Variants in DIP2C observed in about 807,000 individuals in gnomAD.
DIP2C encodes DIP2 acetate--CoA ligase C (putative), also known as disco-interacting protein 2 homolog C.
Under a neutral mutation model 192.4 loss-of-function variants are expected in DIP2C, and 33 were observed. That is an observed-to-expected ratio of 0.17 (90% CI 0.13 to 0.23). The LOEUF (loss-of-function observed/expected upper bound fraction) is 0.23, where lower values mean the gene tolerates loss of function less well. Among genes scored for constraint, DIP2C ranks in the 10% least tolerant of loss-of-function variants. The probability of loss-of-function intolerance (pLI) is 1.00; values close to 1 mark genes in which losing one functional copy is unlikely to be tolerated. For missense variants in DIP2C, 1,537 were observed against 2,110.1 expected (o/e 0.73, Z 5.32); for synonymous variants, 979 against 864.1 (o/e 1.13, Z -2.33).
At chr10:577,827 T>TG (rs1850268146) in intron 1 of DIP2C, among the ~76,000 whole-genome samples, 1 of 151,692 alleles carries the variant, frequency 6.6e-6, no homozygotes, top group Non-Finnish European at 1.5e-5. Flanking sequence ...TTTTGTGTTT[T>TG]TTTTTTTTTA....
chr10:487,480 C>A (rs1844095817), intron 1 of DIP2C, among the ~76,000 whole-genome samples: 1 of 151,518 alleles, frequency 6.6e-6, no homozygotes, highest in South Asian at 2.1e-4. Flanking sequence ...TACAGGTTCT[C>A]GTCTCCCCCA....
chr10:475,424 T>C (rs1356639028), intron 2 of DIP2C, among the ~76,000 whole-genome samples: 4 of 152,182 alleles, frequency 2.6e-5, no homozygotes, highest in African/African-American at 9.6e-5. Context: ...ATGTTTCACC[T>C]TCAATCTCAG....
chr10:469,467 C>T (rs1970464539), intron 3 of DIP2C, among the ~76,000 whole-genome samples: 1 of 152,066 alleles, frequency 6.6e-6, no homozygotes, highest in African/African-American at 2.4e-5. Context: ...CAGGCATGCA[C>T]CACCATGCCT....
At chr10:535,981 A>G (rs1305317947) in intron 1 of DIP2C, among the ~76,000 whole-genome samples, 2 of 152,194 alleles carry the variant, frequency 1.3e-5, no homozygotes, top group African/African-American at 4.8e-5. Context: ...TCGGGTGCAA[A>G]GAGTATTTTC....
chr10:424,426 C>T lies in DIP2C; in HGVS notation c.395-1393G>A, dbSNP rs150669840. Among the ~76,000 whole-genome samples the T allele has an allele frequency of 6.3e-3, 858 of 135,712 alleles. 3 individuals carry two copies. The highest frequency in any genetic ancestry group is 0.015 in the Middle Eastern group (3 of 198). The allele number at this position is 135,712 out of a possible 152,430, so 89.0% of individuals were successfully genotyped here. A position where few individuals can be genotyped will look rare whatever the true frequency, so the allele number is the denominator to read the frequency against. The stretch of plus-strand genomic sequence containing the variant: ...TGTTGCCCAGGCTGGAGAGCAGTGG[C>T]GCGATCTCAGCTCACAATAACCTCT... On this transcript the variant is annotated intron_variant, in intron 4 of 36. Transcript: ENST00000280886.
chr10:407,350 G>A (rs535105490), intron 9 of DIP2C, among the ~76,000 whole-genome samples: 1 of 152,156 alleles, frequency 6.6e-6, no homozygotes, highest in African/African-American at 2.4e-5. Flanking sequence ...TGGATTTGGG[G>A]TTGCTTCCAC....
At chr10:605,397 A>G (rs1156772265) in intron 1 of DIP2C, among the ~76,000 whole-genome samples, 1 of 152,196 alleles carries the variant, frequency 6.6e-6, no homozygotes, top group Non-Finnish European at 1.5e-5. Context: ...TTTATCACTC[A>G]TGATTCCCTT....
intron 1 of DIP2C, among the ~76,000 whole-genome samples, chr10:524,508 A>G (rs534036391): frequency 2.6e-5 from 4 of 152,302 alleles, no homozygotes; most frequent in African/African-American, 9.6e-5. Context: ...ATATATGTGT[A>G]TATGTGCAAA....
At chr10:501,860 C>G (rs1411228715) in intron 1 of DIP2C, among the ~76,000 whole-genome samples, 1 of 152,180 alleles carries the variant, frequency 6.6e-6, no homozygotes, top group African/African-American at 2.4e-5. Flanking sequence ...CACTTCAATT[C>G]CTGGCCAGGT....
chr10:656,273 C>T (rs1856328267), intron 1 of DIP2C, among the ~76,000 whole-genome samples: 1 of 152,224 alleles, frequency 6.6e-6, no homozygotes, highest in Non-Finnish European at 1.5e-5. Flanking sequence ...ACCATTTCTC[C>T]TATTGTATAC....
intron 7 of DIP2C, among the ~76,000 whole-genome samples, chr10:415,382 T>A (rs1965559449): frequency 6.6e-6 from 1 of 152,138 alleles, no homozygotes; most frequent in African/African-American, 2.4e-5. Context: ...CCGGCACCTA[T>A]AAGGAGAGGC....
chr10:311,665 G>GA, intron 31 of DIP2C: 3 of 981,444 alleles, frequency 3.1e-6, no homozygotes, highest in Non-Finnish European at 3.9e-6. Flanking sequence ...ACCCGACAGT[G>GA]AAAAATGGGA....
rs1857133167 is a variant in DIP2C at position 666,893 on chromosome 10, G to C, written c.85+22601C>G. 6.6e-6 allele frequency: 1 copy of C among 152,356 alleles called. No homozygotes were observed. The highest frequency in any genetic ancestry group is 1.5e-5 in the Non-Finnish European group (1 of 68,138). The allele number at this position is 152,356 out of a possible 1,614,324, so 9.4% of individuals were successfully genotyped here. ...AGCAGTGCGCCTCCCAAAATCAGAA[G>C]CAGCTAAGCTGACCCCCACCTCATG... On this transcript the variant is annotated intron_variant, in intron 1 of 36. Coordinates refer to ENST00000280886, the MANE Select transcript of DIP2C (RefSeq NM_014974.3). The surrounding 1 kb of genome is among the most constrained non-coding windows in gnomAD (Gnocchi z 4.1).
chr10:519,704 G>A (rs561332986), intron 1 of DIP2C, among the ~76,000 whole-genome samples: 27 of 152,372 alleles, frequency 1.8e-4, no homozygotes, highest in Middle Eastern at 3.4e-3. Context: ...TCTCAAGGGC[G>A]CACCTGAGCT....
In DIP2C at chr10:389,969, G is replaced by A. The variant is rs1336927734; in HGVS notation, c.1597+22C>T. The A allele has an allele frequency of 5.6e-6, 9 of 1,597,358 alleles. No homozygotes were observed. The Admixed American group carries it at 1.4e-4, about 24-fold the overall frequency. ...TCCCGGTTAGAACCAGGGTCCCAAG[G>A]AGTCAGGGTCTGGCACCCCACCTTC... is the stretch of plus-strand genomic sequence containing the variant. On this transcript the variant is annotated intron_variant, in intron 13 of 36. Transcript: ENST00000280886.
chr10:369,826 A>G, intron 17 of DIP2C, 193 bp from the exon 18 acceptor site: 1 of 1,301,654 alleles, frequency 7.7e-7, no homozygotes, highest in Non-Finnish European at 1.0e-6. Flanking sequence ...CAGCGAGTCT[A>G]CTGCTTCCGC....
chr10:577,620 G>A (rs938987701), intron 1 of DIP2C, among the ~76,000 whole-genome samples: 2 of 152,116 alleles, frequency 1.3e-5, no homozygotes, highest in Admixed American at 6.5e-5. Context: ...CCATCAGCCT[G>A]CTGCTTATTT....
intron 1 of DIP2C, among the ~76,000 whole-genome samples, chr10:562,806 ACT>A (rs1398104805): frequency 6.6e-6 from 1 of 152,216 alleles, no homozygotes; most frequent in African/African-American, 2.4e-5. Context: ...GAGAGGACAC[ACT>A]CAACACAGAA....
At chr10:373,063 C>CAGAA (rs770590630) in intron 17 of DIP2C, among the ~76,000 whole-genome samples, 8 of 152,202 alleles carry the variant, frequency 5.3e-5, no homozygotes, top group Non-Finnish European at 1.2e-4. Flanking sequence ...GATTCGGGCA[C>CAGAA]AGAAAGGTTG....
Sources: allele counts gnomAD v4.1 joint callset (sites outside exome capture counted in the v4.1 genomes callset), GRCh38; gene constraint gnomAD v4.1.1; non-coding constraint Gnocchi (gnomAD v3.1); transcripts MANE v1.5; gene names NCBI Gene and HGNC (gene_info 2026-07-23, HGNC 2026-07-21).